The following NCAN variants were observed in gnomAD, a reference collection of about 807,000 sequenced individuals.
NCAN encodes the protein neurocan.
Under a neutral mutation model 121.8 loss-of-function variants are expected in NCAN, and 47 were observed. The ratio of observed to expected loss-of-function variants is 0.39; its 90% CI spans 0.31 to 0.49. The LOEUF (loss-of-function observed/expected upper bound fraction) is 0.49. NCAN is among the 20% of genes least tolerant of loss of function. The probability of loss-of-function intolerance (pLI) is 0.92; values close to 1 mark genes in which losing one functional copy is unlikely to be tolerated. For missense variants in NCAN, 1,517 were observed against 1,773.4 expected, an observed-to-expected ratio of 0.86 and a Z score of 2.60; for synonymous variants, 633 against 702.0, an observed-to-expected ratio of 0.90 and a Z score of 1.55.
chr19:19,221,731 TA>T (rs1306310886), intron 3 of NCAN, among the ~76,000 whole-genome samples: 2 of 151,686 alleles, frequency 1.3e-5, no homozygotes, highest in Non-Finnish European at 2.9e-5. Flanking sequence ...ACAAAATTTT[TA>T]AAAAAATATT....
chr19:19,224,273 C>T (rs1442263373), intron 4 of NCAN, 33 bp from the exon 5 acceptor site: 2 of 1,605,906 alleles, frequency 1.2e-6, no homozygotes, highest in Admixed American at 1.7e-5. Flanking sequence ...CAGGAGCACA[C>T]ATCTGAGAGG....
chr19:19,225,132 G>C lies in NCAN; in HGVS notation c.934G>C (p.Gly312Arg). ...DQCDPGWLADGSVRYPIQTPR... is the reference protein window; with the variant it reads ...DQCDPGWLADRSVRYPIQTPR... The stretch of plus-strand genomic sequence containing the variant: ...GTGCGACCCGGGCTGGCTGGCCGAC[G>C]GCAGCGTGCGCTACCCGATCCAGAC... The change falls in exon 6 of 15, where the codon GGC becomes CGC. Residue 312 changes from glycine to arginine, a missense_variant. Gly to Arg is a moderately radical substitution (Grantham distance 125, BLOSUM62 -2). Coordinates refer to ENST00000252575, the MANE Select transcript of NCAN (RefSeq NM_004386.3). The surrounding 1 kb of genome is among the most constrained non-coding windows in gnomAD (Gnocchi z 4.0). 6.5e-7 allele frequency: 1 copy of C among 1,530,386 alleles called. No individual in the cohort carries two copies. The highest frequency in any genetic ancestry group is 8.7e-7 in the Non-Finnish European group (1 of 1,147,712). The allele number at this position is 1,530,386 out of a possible 1,614,324, so 94.8% of individuals were successfully genotyped here. A position where few individuals can be genotyped will look rare whatever the true frequency, so the allele number is the denominator to read the frequency against.
At chr19:19,222,874 T>A (rs955726421) in intron 3 of NCAN, among the ~76,000 whole-genome samples, 7 of 152,038 alleles carry the variant, frequency 4.6e-5, no homozygotes, top group Admixed American at 3.9e-4. Context: ...TTTGGGAGGC[T>A]GAGGTGGGCG....
chr19:19,236,745 T>C (rs1417936483), intron 10 of NCAN, among the ~76,000 whole-genome samples: 1 of 145,118 alleles, frequency 6.9e-6, no homozygotes, highest in Admixed American at 6.8e-5. Context: ...TTTTTTTTTT[T>C]GAAACAGGTT....
At chr19:19,224,247 G>A (rs1370531504) in intron 4 of NCAN, 52 bp downstream of exon 4, 2 of 1,593,856 alleles carry the variant, frequency 1.3e-6, no homozygotes, top group Middle Eastern at 1.7e-4. Flanking sequence ...TGGGGAAGGA[G>A]GTTCCTTGGG....
At position 19,228,050 on chromosome 19, in the gene NCAN, C is replaced by G; in HGVS notation, c.2430C>G (p.Val810=). 1 of 1,613,572 alleles carries G rather than the reference C, an allele frequency of 6.2e-7. No individual in the cohort carries two copies. Among genetic ancestry groups the G allele is most frequent in the Non-Finnish European group, 8.5e-7 (1 of 1,180,028 alleles). Reference sequence around the variant, plus strand: ...CTGGAGTCTTCTTGGTACCCAAAGTCACCCCAAATTTGGAGCCTTGGGTTG... The same window carrying G: ...CTGGAGTCTTCTTGGTACCCAAAGTGACCCCAAATTTGGAGCCTTGGGTTG... The part of the protein sequence containing the change: ...GSPGVFLVPK[V]TPNLEPWVAT... The change falls in exon 8 of 15, where the codon GTC becomes GTG. Residue 810 remains valine, a synonymous_variant. Transcript: ENST00000252575.
chr19:19,233,789 T>C lies in NCAN; in HGVS notation c.3020T>C (p.Val1007Ala). Residue 1007 changes from valine (V) to alanine (A), a missense_variant and splice_region_variant, in exon 9 of 15, where the codon GTG (valine) becomes GCG (alanine). Coordinates refer to ENST00000252575, the MANE Select transcript of NCAN (RefSeq NM_004386.3). ...GTPMNAGAEE[V>A]HSDPCENNPC... is the part of the protein sequence containing the mutation. ...CCCACACTACCCATCCATCCTGCAG[T>C]GCACTCAGATCCCTGTGAGAACAAC... The C allele has an allele frequency of 1.3e-6, 2 of 1,597,912 alleles. No individual in the cohort carries two copies. Among genetic ancestry groups the C allele is most frequent in the Non-Finnish European group, 1.7e-6 (2 of 1,165,362 alleles).
rs777958166 is a variant in NCAN, at chr19:19,219,087, G to A, written c.246G>A (p.Arg82=). Residue 82 remains arginine, a synonymous_variant, in exon 3 of 15, where the codon CGG becomes CGA. Transcript: ENST00000252575. Reference sequence around the variant, plus strand: ...CTCGGATAAAGTGGACCAAGGTGCGGACTGCGTCGGGCCAGCGACAGGACT... The same window carrying A: ...CTCGGATAAAGTGGACCAAGGTGCGAACTGCGTCGGGCCAGCGACAGGACT... The part of the protein sequence containing the change: ...DAPRIKWTKV[R]TASGQRQDLP... 1.9e-6 allele frequency: 3 copies of A among 1,612,412 alleles called. No individual in the cohort carries two copies. Among genetic ancestry groups the A allele is most frequent in the South Asian group, 2.2e-5 (2 of 90,810 alleles).
chr19:19,226,060 G>T (rs1319372494), intron 6 of NCAN, among the ~76,000 whole-genome samples: 1 of 152,194 alleles, frequency 6.6e-6, no homozygotes, highest in Non-Finnish European at 1.5e-5. Flanking sequence ...CTTCGGAGTA[G>T]CTGGGACTAC....
Position 19,250,399 on chromosome 19 carries a change from T to G in NCAN, c.*488T>G, listed in dbSNP as rs1025550370. The G allele has an allele frequency of 8.9e-6, 3 of 337,156 alleles. No homozygotes were observed. Among genetic ancestry groups the G allele is most frequent in the Non-Finnish European group, 1.7e-5 (3 of 172,702 alleles). 20.9% of individuals were successfully genotyped at this position (337,156 alleles called of 1,614,324 possible). ...GAAGGCTACACAGAAGCACACTGTT[T>G]TTGAACTTGACAACAGCTCTCCCTT... On this transcript the variant is annotated 3_prime_UTR_variant, in exon 15 of 15. Transcript: ENST00000252575.
At chr19:19,240,731 C>G (rs767187592) in intron 12 of NCAN, 46 bp downstream of exon 12, 1 of 1,578,710 alleles carries the variant, frequency 6.3e-7, no homozygotes, top group Non-Finnish European at 8.7e-7. Flanking sequence ...CCACATCAGC[C>G]CTGCCATCTG....
At chr19:19,234,122 A>G (rs973351533) in intron 9 of NCAN, among the ~76,000 whole-genome samples, 2 of 152,172 alleles carry the variant, frequency 1.3e-5, no homozygotes, top group African/African-American at 4.8e-5. Flanking sequence ...GCTGTCTCCC[A>G]TTACTACCAG....
chr19:19,242,117 C>T (rs1173324444), intron 12 of NCAN, among the ~76,000 whole-genome samples: 1 of 151,786 alleles, frequency 6.6e-6, no homozygotes, highest in East Asian at 1.9e-4. Flanking sequence ...ATCACTTGAA[C>T]CCGGGAGGCA....
At chr19:19,238,133 G>A (rs1427028884) in intron 10 of NCAN, 120 bp from the exon 11 acceptor site, 1 of 1,291,396 alleles carries the variant, frequency 7.7e-7, no homozygotes, top group South Asian at 1.3e-5. Context: ...GGGGAGAGGG[G>A]TGATTTCGCC....
In NCAN at chr19:19,235,096, G is replaced by A. The variant is rs1285709289; in HGVS notation, c.3250G>A (p.Asp1084Asn). The part of the protein sequence containing the change: ...PSYGGSFCEK[D>N]TEGCDRGWHK... ...CTATGGGGGCAGCTTTTGTGAGAAA[G>A]GTGAGTTTCTATTGCAACACCAGAA... Residue 1084 changes from aspartate to asparagine, a missense_variant and splice_region_variant, in exon 10 of 15, where the codon GAC becomes AAC. Coordinates refer to ENST00000252575, the MANE Select transcript of NCAN (RefSeq NM_004386.3). 9 of 1,607,894 alleles carry A rather than the reference G, an allele frequency of 5.6e-6. No individual in the cohort carries two copies. Among genetic ancestry groups the A allele is most frequent in the East Asian group, 2.2e-5 (1 of 44,846 alleles).
intron 1 of NCAN, among the ~76,000 whole-genome samples, chr19:19,214,216 ACT>A (rs1258878720): frequency 6.7e-6 from 1 of 149,284 alleles, no homozygotes; most frequent in Non-Finnish European, 1.5e-5. Context: ...ACACACACAC[ACT>A]CACACACACT....
rs111930776 is a variant in NCAN, at chr19:19,229,851, G to A, written c.3019+1212G>A. 6.8e-3 allele frequency among the ~76,000 whole-genome samples: 1,033 copies of A among 152,272 alleles called. 13 individuals are homozygous for A. Among genetic ancestry groups the A allele is most frequent in the African/African-American group, 0.023 (955 of 41,554 alleles). On this transcript the variant is annotated intron_variant, in intron 8 of 14. Transcript: ENST00000252575. ...CTAGCCCTTTGGGAGGCTGAGGTGGGAGAATCTCTTGAGCTCAAGAGTTAA... is the reference window on the plus strand; with the variant it reads ...CTAGCCCTTTGGGAGGCTGAGGTGGAAGAATCTCTTGAGCTCAAGAGTTAA...
chr19:19,243,026 T>A (rs372270109), intron 12 of NCAN, among the ~76,000 whole-genome samples: 1 of 138,398 alleles, frequency 7.2e-6, no homozygotes, highest in Non-Finnish European at 1.6e-5. Context: ...TAAAATAAAA[T>A]AAAATAATAA....
At chr19:19,241,029 C>G (rs1158384999) in intron 12 of NCAN, among the ~76,000 whole-genome samples, 2 of 152,288 alleles carry the variant, frequency 1.3e-5, no homozygotes, top group South Asian at 2.1e-4. Flanking sequence ...AATCCCAGCA[C>G]TTTGGGAGGC....
Sources: gnomAD v4.1 joint callset for allele counts (sites outside exome capture counted in the v4.1 genomes callset) on GRCh38, gnomAD v4.1.1 for gene constraint, Gnocchi (gnomAD v3.1) non-coding constraint, MANE v1.5 for transcripts, NCBI Gene and HGNC (gene_info 2026-07-23, HGNC 2026-07-21) for gene names.